CDH23: variants seen among roughly 807,000 people sequenced by gnomAD.
The protein encoded by CDH23 is cadherin-23.
CDH23 carries 189 observed loss-of-function variants against 317.1 expected under a neutral mutation model. The observed-to-expected ratio is 0.60, with a 90% CI of 0.53 to 0.67. CDH23 has a LOEUF of 0.67. Among genes scored for constraint, CDH23 ranks in the 30% least tolerant of loss-of-function variants. CDH23 has a pLI of 0.00. For synonymous variants in CDH23, 1,839 were observed against 1,876.8 expected (o/e 0.98, Z 0.52); for missense variants, 4,401 against 4,592.4 (o/e 0.96, Z 1.20).
intron 38 of CDH23, among the ~76,000 whole-genome samples, chr10:71,767,620 G>C (rs1840583769): frequency 6.6e-6 from 1 of 152,222 alleles, no homozygotes; most frequent in Non-Finnish European, 1.5e-5. Context: ...GATGCAGAGG[G>C]AAACAGAGGC....
intron 26 of CDH23, among the ~76,000 whole-genome samples, chr10:71,708,001 C>G (rs1865852074): frequency 6.6e-6 from 1 of 152,140 alleles, no homozygotes; most frequent in Admixed American, 6.5e-5. Flanking sequence ...CTCAGGCCCA[C>G]TCCTTACAGT....
At chr10:71,589,722 G>A (rs1274699531) in intron 9 of CDH23, among the ~76,000 whole-genome samples, 2 of 152,190 alleles carry the variant, frequency 1.3e-5, no homozygotes, top group East Asian at 1.9e-4. Context: ...GTGAGCACAC[G>A]CTCCCAGGAC....
intron 1 of CDH23, among the ~76,000 whole-genome samples, chr10:71,403,434 TTCC>T (rs1345169548): frequency 2.6e-5 from 2 of 78,102 alleles, no homozygotes; most frequent in African/African-American, 8.3e-5. Flanking sequence ...CCTTCCTTCC[TTCC>T]TTCCTTCCTT....
At chr10:71,513,515 C>T (rs1051071554) in intron 6 of CDH23, among the ~76,000 whole-genome samples, 1 of 152,168 alleles carries the variant, frequency 6.6e-6, no homozygotes, top group Non-Finnish European at 1.5e-5. Context: ...GGTGAGGATG[C>T]AAGCCAGAGA....
chr10:71,517,091 A>T (rs1313589045), intron 6 of CDH23, among the ~76,000 whole-genome samples: 1 of 152,246 alleles, frequency 6.6e-6, no homozygotes. Flanking sequence ...TCACAAATGC[A>T]GACAGCCATG....
At chr10:71,566,579 A>G (rs1337560563) in intron 6 of CDH23, among the ~76,000 whole-genome samples, 163 bp from the exon 7 acceptor site, 2 of 152,180 alleles carry the variant, frequency 1.3e-5, no homozygotes, top group African/African-American at 2.4e-5. Flanking sequence ...AAAAGAAAAG[A>G]TACCGCATTT....
intron 48 of CDH23, among the ~76,000 whole-genome samples, chr10:71,795,237 C>T (rs1255157851): frequency 6.6e-6 from 1 of 152,064 alleles, no homozygotes; most frequent in East Asian, 1.9e-4. Flanking sequence ...ACACATAAAA[C>T]AAGAGAAGTG....
chr10:71,644,038 T>C (rs1389044786), intron 12 of CDH23, among the ~76,000 whole-genome samples, 172 bp downstream of exon 12: 2 of 152,252 alleles, frequency 1.3e-5, no homozygotes, highest in African/African-American at 2.4e-5. Flanking sequence ...TGGTGTCACC[T>C]GTTCAAACTG....
chr10:71,413,025 CT>C (rs575599743), intron 1 of CDH23, among the ~76,000 whole-genome samples: 93 of 152,240 alleles, frequency 6.1e-4, no homozygotes, highest in African/African-American at 2.0e-3. Flanking sequence ...GTTGCCTGTG[CT>C]TTTGGTGTCA....
chr10:71,725,422 C>A lies in CDH23; in HGVS notation c.3481C>A (p.Arg1161=). The A allele has an allele frequency of 6.2e-7, 1 of 1,614,012 alleles. No homozygotes were observed. Among genetic ancestry groups the A allele is most frequent in the Non-Finnish European group, 8.5e-7 (1 of 1,179,888 alleles). ...CCATGTCAGCAATGGGCTCCTGATG[C>A]GAGGGCCCCGGCCCCTGGACCGGGA... ...RIHVSNGLLM[R]GPRPLDRERN... The change falls in exon 30 of 70, where the codon CGA becomes AGA. Residue 1161 remains arginine, a synonymous_variant. Coordinates refer to ENST00000224721, the MANE Select transcript of CDH23 (RefSeq NM_022124.6).
intron 6 of CDH23, among the ~76,000 whole-genome samples, chr10:71,549,433 C>G (rs557487252): frequency 3.3e-5 from 5 of 152,250 alleles, no homozygotes; most frequent in Admixed American, 3.3e-4. Context: ...TACTGGATCT[C>G]TTGACCACTG....
Position 71,809,947 on chromosome 10 carries a change from C to T in CDH23, c.8850C>T (p.Ile2950=). The part of the protein sequence containing the change: ...HNDTAIIGIY[I]LRDDQRVKIV... ...ACACGGCCATCATCGGCATCTACAT[C>T]CTGAGGGACGACCAGCGCGTCAAGA... The change falls in exon 61 of 70, where the codon ATC becomes ATT. Residue 2950 remains isoleucine, a synonymous_variant. Coordinates refer to ENST00000224721, the MANE Select transcript of CDH23 (RefSeq NM_022124.6). The T allele has an allele frequency of 6.2e-7, 1 of 1,612,660 alleles. No homozygotes were observed. Among genetic ancestry groups the T allele is most frequent in the Non-Finnish European group, 8.5e-7 (1 of 1,179,896 alleles).
intron 2 of CDH23, among the ~76,000 whole-genome samples, chr10:71,444,425 C>T (rs1850058885): frequency 6.6e-6 from 1 of 152,206 alleles, no homozygotes; most frequent in African/African-American, 2.4e-5. Flanking sequence ...TGTTGTGCTC[C>T]TGACAGGAGA....
chr10:71,802,424 T>C (rs1045832589), intron 53 of CDH23, among the ~76,000 whole-genome samples: 4 of 152,208 alleles, frequency 2.6e-5, no homozygotes, highest in African/African-American at 9.6e-5. Flanking sequence ...AGACCTGCCC[T>C]GGGCTGGGGG....
intron 9 of CDH23, among the ~76,000 whole-genome samples, chr10:71,586,301 A>G (rs911857635): frequency 2.0e-5 from 3 of 152,036 alleles, no homozygotes; most frequent in East Asian, 1.9e-4. Flanking sequence ...TTTTTCCTCA[A>G]TCTGTAAGAT....
chr10:71,455,061 C>G (rs1850625357), intron 3 of CDH23, among the ~76,000 whole-genome samples: 1 of 152,092 alleles, frequency 6.6e-6, no homozygotes, highest in Non-Finnish European at 1.5e-5. Flanking sequence ...AGCCTAGTCT[C>G]GAACTCCTGG....
At chr10:71,622,924 G>A (rs901448637) in intron 11 of CDH23, 29 of 985,266 alleles carry the variant, frequency 2.9e-5, no homozygotes, top group Middle Eastern at 5.2e-4. Context: ...AAAGGCCTTC[G>A]GGCCTCATTA....
At chr10:71,622,952 C>A in intron 11 of CDH23, 1 of 985,340 alleles carries the variant, frequency 1.0e-6, no homozygotes, top group African/African-American at 1.7e-5. Context: ...GAACCCCTGG[C>A]CTTCCTGAGG....
chr10:71,402,060 A>C (rs1847805634), intron 1 of CDH23, among the ~76,000 whole-genome samples: 1 of 152,194 alleles, frequency 6.6e-6, no homozygotes. Flanking sequence ...TCAGTGTGAA[A>C]GTTGATCAGG....
Sources: gnomAD v4.1 joint callset for allele counts (sites outside exome capture counted in the v4.1 genomes callset) on GRCh38, gnomAD v4.1.1 for gene constraint, MANE v1.5 for transcripts, NCBI Gene and HGNC (gene_info 2026-07-23, HGNC 2026-07-21) for gene names.